Variants in LDB2 observed in about 807,000 individuals in gnomAD.
LDB2 encodes the protein LIM domain binding 2.
In LDB2, 12 loss-of-function variants were observed where a neutral mutation model predicts 44.3. The ratio of observed to expected loss-of-function variants is 0.27; its 90% CI spans 0.17 to 0.44. LDB2 has a LOEUF of 0.44. LDB2 is among the 20% of genes least tolerant of loss of function. The probability of loss-of-function intolerance (pLI) is 1.00; values close to 1 mark genes in which losing one functional copy is unlikely to be tolerated. For synonymous variants in LDB2, 164 were observed against 174.8 expected (o/e 0.94, Z 0.49); for missense variants, 344 against 473.5 (o/e 0.73, Z 2.54).
intron 1 of LDB2, among the ~76,000 whole-genome samples, chr4:16,787,928 C>G (rs1441483064): frequency 2.1e-5 from 3 of 140,340 alleles, no homozygotes; most frequent in South Asian, 2.5e-4. Flanking sequence ...TTGCTTCCCA[C>G]TACTTAAGAA....
At chr4:16,762,588 G>A (rs1187978312) in intron 1 of LDB2, among the ~76,000 whole-genome samples, 2 of 152,066 alleles carry the variant, frequency 1.3e-5, no homozygotes, top group Admixed American at 6.6e-5. Flanking sequence ...GAGAACTAAC[G>A]CACTATCACG....
At position 16,597,508 on chromosome 4, in the gene LDB2, C is replaced by T. The variant is rs537911729; in HGVS notation, c.236-1633G>A. Among the ~76,000 whole-genome samples, 8 of 152,240 alleles carry T rather than the reference C, an allele frequency of 5.3e-5. No homozygotes were observed. The South Asian group carries it at 1.7e-3, about 32-fold the overall frequency. On this transcript the variant is annotated intron_variant, in intron 2 of 7. Transcript: ENST00000304523. ...TTGTAATGCTAAAATCCATATTGTA[C>T]TTCACTAAACAGATAAAATTAATTG...
chr4:16,709,128 T>C (rs1398408627), intron 2 of LDB2, among the ~76,000 whole-genome samples: 1 of 152,170 alleles, frequency 6.6e-6, no homozygotes, highest in Non-Finnish European at 1.5e-5. Flanking sequence ...CTTTGCCCAG[T>C]GCCTAGCTCA....
chr4:16,821,845 G>T (rs557196227), intron 1 of LDB2, among the ~76,000 whole-genome samples: 5 of 149,858 alleles, frequency 3.3e-5, no homozygotes, highest in Non-Finnish European at 7.4e-5. Context: ...AGTGAAACTA[G>T]TGGCCTCTAT....
chr4:16,540,001 C>T (rs1733202369), intron 5 of LDB2, among the ~76,000 whole-genome samples: 1 of 152,150 alleles, frequency 6.6e-6, no homozygotes, highest in Non-Finnish European at 1.5e-5. Flanking sequence ...TAGGAGGCCT[C>T]AGGAAACTTA....
intron 2 of LDB2, among the ~76,000 whole-genome samples, chr4:16,728,183 C>G (rs1472464179): frequency 6.6e-6 from 1 of 151,902 alleles, no homozygotes; most frequent in Non-Finnish European, 1.5e-5. Flanking sequence ...TGGTATCAGA[C>G]AGTTAAAAAA....
At chr4:16,536,691 G>A (rs62296898) in intron 5 of LDB2, among the ~76,000 whole-genome samples, 17,396 of 152,280 alleles carry the variant, frequency 0.11, 1,141 homozygotes, top group East Asian at 0.24. Flanking sequence ...CATGACTCAG[G>A]TGGGTCAGGG....
chr4:16,599,922 C>T (rs1722109545), intron 2 of LDB2, among the ~76,000 whole-genome samples: 1 of 152,108 alleles, frequency 6.6e-6, no homozygotes, highest in South Asian at 2.1e-4. Context: ...TCATTTCTAT[C>T]AGGAGAGGTA....
chr4:16,780,065 T>C (rs1772837639), intron 1 of LDB2, among the ~76,000 whole-genome samples: 1 of 152,142 alleles, frequency 6.6e-6, no homozygotes, highest in African/African-American at 2.4e-5. Flanking sequence ...ATGCTGGGAA[T>C]AGAGTTTAGA....
chr4:16,614,585 A>C (rs28772937), intron 2 of LDB2, among the ~76,000 whole-genome samples: 3,675 of 65,690 alleles, frequency 0.056, 125 homozygotes, highest in African/African-American at 0.14. Context: ...AAAAACAAAA[A>C]AAAAAAAAAA....
At chr4:16,890,631 T>C (rs928822960) in intron 1 of LDB2, among the ~76,000 whole-genome samples, 1 of 152,230 alleles carries the variant, frequency 6.6e-6, no homozygotes, top group Admixed American at 6.5e-5. Context: ...GGACAGACCA[T>C]ACAGTGAAAA....
intron 1 of LDB2, among the ~76,000 whole-genome samples, chr4:16,786,185 T>C (rs184475486): frequency 4.3e-4 from 66 of 152,348 alleles, no homozygotes; most frequent in African/African-American, 1.4e-3. Flanking sequence ...ACAGGCTCTG[T>C]AACTCATAAG....
intron 5 of LDB2, among the ~76,000 whole-genome samples, chr4:16,545,926 G>A (rs575932604): frequency 6.6e-6 from 1 of 152,176 alleles, no homozygotes; most frequent in African/African-American, 2.4e-5. Flanking sequence ...TCTGGCACCC[G>A]CCGTATGCAA....
At chr4:16,657,305 G>A (rs1034845382) in intron 2 of LDB2, among the ~76,000 whole-genome samples, 1 of 152,130 alleles carries the variant, frequency 6.6e-6, no homozygotes, top group Non-Finnish European at 1.5e-5. Flanking sequence ...CAATACTCAA[G>A]CTTCGAATAT....
intron 1 of LDB2, among the ~76,000 whole-genome samples, chr4:16,880,731 C>T (rs796802561): frequency 4.5e-4 from 69 of 151,848 alleles, no homozygotes; most frequent in African/African-American, 1.6e-3. Flanking sequence ...CAGTGAAATC[C>T]GTCTCTACTA....
At chr4:16,596,771 C>T (rs777846532) in intron 2 of LDB2, among the ~76,000 whole-genome samples, 1 of 152,110 alleles carries the variant, frequency 6.6e-6, no homozygotes, top group South Asian at 2.1e-4. Flanking sequence ...TTAGTTTCAG[C>T]GATTGTGTAA....
At chr4:16,611,527 A>G (rs1725612751) in intron 2 of LDB2, among the ~76,000 whole-genome samples, 1 of 72,776 alleles carries the variant, frequency 1.4e-5, no homozygotes, top group South Asian at 7.3e-4. Context: ...AACTTTACCA[A>G]GCAAATGGAA....
At chr4:16,710,456 T>C (rs2152658345) in intron 2 of LDB2, among the ~76,000 whole-genome samples, 1 of 152,248 alleles carries the variant, frequency 6.6e-6, no homozygotes, top group South Asian at 2.1e-4. Flanking sequence ...AGTAACATAA[T>C]GATGTGAAAA....
intron 2 of LDB2, among the ~76,000 whole-genome samples, chr4:16,674,928 T>C (rs1745875237): frequency 7.2e-6 from 1 of 138,164 alleles, no homozygotes; most frequent in African/African-American, 2.7e-5. Context: ...TCTGCTTTAT[T>C]ATCTAGGAAC....
Sources: allele counts gnomAD v4.1 joint callset (sites outside exome capture counted in the v4.1 genomes callset), GRCh38; gene constraint gnomAD v4.1.1; transcripts MANE v1.5; gene names NCBI Gene and HGNC (gene_info 2026-07-23, HGNC 2026-07-21).